PALS2: variants seen among roughly 807,000 people sequenced by gnomAD.
PALS2 encodes protein PALS2.
Under a neutral mutation model 61.6 loss-of-function variants are expected in PALS2, and 27 were observed. The observed-to-expected ratio is 0.44, with a 90% CI of 0.32 to 0.60. The LOEUF (loss-of-function observed/expected upper bound fraction) is 0.60, where lower values mean the gene tolerates loss of function less well. PALS2 is among the 20% of genes least tolerant of loss of function. The pLI, the probability that PALS2 is intolerant of heterozygous loss-of-function variation, is 0.05. For synonymous variants in PALS2, 236 were observed against 218.6 expected (o/e 1.08, Z -0.70); for missense variants, 554 against 639.4 (o/e 0.87, Z 1.44).
intron 1 of PALS2, among the ~76,000 whole-genome samples, chr7:24,617,519 T>C (rs1000197820): frequency 6.6e-6 from 1 of 152,218 alleles, no homozygotes; most frequent in African/African-American, 2.4e-5. Context: ...TTTTCCAGTT[T>C]TATGGAGTTG....
chr7:24,650,021 A>G (rs552986553), intron 4 of PALS2, among the ~76,000 whole-genome samples: 3 of 152,164 alleles, frequency 2.0e-5, no homozygotes, highest in African/African-American at 7.2e-5. Flanking sequence ...GATGACTATT[A>G]TGTTTCTTCC....
intron 1 of PALS2, among the ~76,000 whole-genome samples, chr7:24,586,415 A>C (rs1292355823): frequency 6.6e-6 from 1 of 152,230 alleles, no homozygotes; most frequent in Non-Finnish European, 1.5e-5. Context: ...ATTCTGCGTA[A>C]GCAAGAAATA....
rs1788583945 is a variant in PALS2 at position 24,693,786 on chromosome 7, G to A, written c.*6172G>A. On this transcript the variant is annotated 3_prime_UTR_variant, in exon 12 of 12. Transcript: ENST00000222644. ...GTTGGACTCTGTTGTAGAAGAATGAGCACTAGTATTCAGCAACAAGTGCAA... is the reference window on the plus strand; with the variant it reads ...GTTGGACTCTGTTGTAGAAGAATGAACACTAGTATTCAGCAACAAGTGCAA... The A allele has an allele frequency of 6.6e-6, 1 of 152,068 alleles. No homozygotes were observed. The highest frequency in any genetic ancestry group is 1.5e-5 in the Non-Finnish European group (1 of 68,006). 9.4% of individuals were successfully genotyped at this position (152,068 alleles called of 1,614,324 possible). A position where few individuals can be genotyped will look rare whatever the true frequency, so the allele number is the denominator to read the frequency against.
At chr7:24,609,596 T>A (rs958022873) in intron 1 of PALS2, among the ~76,000 whole-genome samples, 3 of 152,088 alleles carry the variant, frequency 2.0e-5, no homozygotes, top group Admixed American at 2.0e-4. Context: ...TGGTTTCCTG[T>A]TTGAAAAACC....
chr7:24,589,950 G>A (rs1783219936), intron 1 of PALS2, among the ~76,000 whole-genome samples: 1 of 152,128 alleles, frequency 6.6e-6, no homozygotes, highest in South Asian at 2.1e-4. Flanking sequence ...TCAGTGTTTA[G>A]TGTCCCTTAA....
chr7:24,608,765 G>C (rs1386150492), intron 1 of PALS2, among the ~76,000 whole-genome samples: 1 of 151,974 alleles, frequency 6.6e-6, no homozygotes, highest in African/African-American at 2.4e-5. Context: ...ACCATGCCCA[G>C]CTAACTAATT....
chr7:24,629,486 A>G (rs571507439), intron 2 of PALS2, among the ~76,000 whole-genome samples: 40 of 152,346 alleles, frequency 2.6e-4, no homozygotes, highest in African/African-American at 9.4e-4. Flanking sequence ...AAATTGACAA[A>G]TGGGATCTAA....
intron 9 of PALS2, among the ~76,000 whole-genome samples, chr7:24,675,928 A>G (rs1416537629): frequency 6.8e-6 from 1 of 147,850 alleles, no homozygotes; most frequent in Admixed American, 6.7e-5. Flanking sequence ...GGCTGGGTCA[A>G]ATGGTATTTC....
chr7:24,619,856 ACT>A (rs1431121868), intron 1 of PALS2, among the ~76,000 whole-genome samples: 3 of 151,934 alleles, frequency 2.0e-5, no homozygotes, highest in East Asian at 1.9e-4. Flanking sequence ...TTGAGTTTAG[ACT>A]CTCCTTTCTT....
At chr7:24,668,298 C>T (rs898247346) in intron 8 of PALS2, among the ~76,000 whole-genome samples, 6 of 151,926 alleles carry the variant, frequency 3.9e-5, no homozygotes, top group Non-Finnish European at 5.9e-5. Context: ...TGACAGTGAG[C>T]CCCGGTCTTA....
rs545070096 is a variant in PALS2 at position 24,589,476 on chromosome 7, A to G, written c.-3+15883A>G. The G allele has an allele frequency of 3.3e-5, 5 of 152,294 alleles. No individual in the cohort carries two copies. In the South Asian group the frequency reaches 1.0e-3, roughly 32 times the overall value. The allele number at this position is 152,294 out of a possible 1,614,324, so 9.4% of individuals were successfully genotyped here. A position where few individuals can be genotyped will look rare whatever the true frequency, so the allele number is the denominator to read the frequency against. On this transcript the variant is annotated intron_variant, in intron 1 of 11. Transcript: ENST00000222644. ...CAGGTACCTCATGTATGTGCACACAACCAGCATTAGTAAGTAAGCCTGTTT... is the reference window on the plus strand; with the variant it reads ...CAGGTACCTCATGTATGTGCACACAGCCAGCATTAGTAAGTAAGCCTGTTT...
intron 1 of PALS2, among the ~76,000 whole-genome samples, chr7:24,623,036 A>G (rs942959082): frequency 6.6e-6 from 1 of 152,002 alleles, no homozygotes; most frequent in East Asian, 1.9e-4. Context: ...GCCATTATGT[A>G]CAATTGTTTG....
intron 8 of PALS2, among the ~76,000 whole-genome samples, chr7:24,668,264 T>A (rs1391132424): frequency 1.3e-5 from 2 of 152,142 alleles, no homozygotes; most frequent in African/African-American, 2.4e-5. Context: ...GAGCTAAGAT[T>A]GCACCACTAT....
intron 1 of PALS2, among the ~76,000 whole-genome samples, chr7:24,614,322 A>G (rs1054184017): frequency 1.3e-5 from 2 of 151,738 alleles, no homozygotes; most frequent in Non-Finnish European, 2.9e-5. Context: ...TTGTTTGTGT[A>G]TAGATATACT....
rs141723164 is a variant in PALS2, at chr7:24,593,748, C to T, written c.-3+20155C>T. On this transcript the variant is annotated intron_variant, in intron 1 of 11. Coordinates refer to ENST00000222644, the MANE Select transcript of PALS2 (RefSeq NM_001303037.2). ...AGTGGACTTAATAAATTCAGTAAAC[C>T]TTGTTGTAAACCGAAGTGCTGTCAT... Among the ~76,000 whole-genome samples the T allele has an allele frequency of 4.0e-3, 607 of 152,116 alleles. 2 individuals carry two copies. Among genetic ancestry groups the T allele is most frequent in the Middle Eastern group, 0.017 (5 of 294 alleles).
chr7:24,644,083 A>ATTTTC (rs1403656342), intron 3 of PALS2, among the ~76,000 whole-genome samples: 1 of 137,892 alleles, frequency 7.3e-6, no homozygotes, highest in African/African-American at 2.8e-5. Flanking sequence ...CTAAATCAAT[A>ATTTTC]TTTTCTTTTT....
At chr7:24,660,294 C>T (rs1262865255) in intron 5 of PALS2, among the ~76,000 whole-genome samples, 1 of 152,120 alleles carries the variant, frequency 6.6e-6, no homozygotes, top group African/African-American at 2.4e-5. Context: ...AGATCTCCCT[C>T]TGAATCCTTC....
intron 7 of PALS2, 34 bp downstream of exon 7, chr7:24,665,721 C>T: frequency 6.4e-6 from 10 of 1,552,570 alleles, no homozygotes; most frequent in African/African-American, 1.4e-5. Flanking sequence ...AACAAGCAGT[C>T]CTTTGTGACC....
chr7:24,623,631 GT>G lies in PALS2; in HGVS notation c.-2-32del, dbSNP rs760337542. ...TTTAAGGGTTTTTGTTTGTTTGTTT[GT>G]TTGTTTGTTTTTATGTTGCTTTTAT... On this transcript the variant is annotated intron_variant, in intron 1 of 11. Coordinates refer to ENST00000222644, the MANE Select transcript of PALS2 (RefSeq NM_001303037.2). 28 of 1,312,884 alleles carry G rather than the reference GT, an allele frequency of 2.1e-5. No individual in the cohort carries two copies. In the South Asian group the frequency reaches 3.8e-4, roughly 18 times the overall value. The allele number at this position is 1,312,884 out of a possible 1,614,324, so 81.3% of individuals were successfully genotyped here. A position where few individuals can be genotyped will look rare whatever the true frequency, so the allele number is the denominator to read the frequency against.
Sources: allele counts gnomAD v4.1 joint callset (sites outside exome capture counted in the v4.1 genomes callset), GRCh38; gene constraint gnomAD v4.1.1; transcripts MANE v1.5; gene names NCBI Gene and HGNC (gene_info 2026-07-23, HGNC 2026-07-21).